Variants in DLG1 observed in about 807,000 individuals in gnomAD.
DLG1 encodes disks large homolog 1.
A neutral mutation model predicts 123.4 loss-of-function variants in DLG1; 42 were observed. The observed-to-expected ratio is 0.34, with a 90% CI of 0.27 to 0.44. The LOEUF is 0.44. Among genes scored for constraint, DLG1 ranks in the 20% least tolerant of loss-of-function variants. The pLI, the probability that DLG1 is intolerant of heterozygous loss-of-function variation, is 1.00. For missense variants in DLG1, 942 were observed against 1,082.6 expected, an observed-to-expected ratio of 0.87 and a Z score of 1.82; for synonymous variants, 317 against 356.2, an observed-to-expected ratio of 0.89 and a Z score of 1.24.
At chr3:197,296,617 C>G in intron 2 of DLG1, 140 bp from the exon 3 acceptor site, 1 of 650,128 alleles carries the variant, frequency 1.5e-6, no homozygotes, top group Non-Finnish European at 2.5e-6. Context: ...TTCATGTACA[C>G]ATATTCCTTA....
At chr3:197,142,995 T>C (rs921973377) in intron 6 of DLG1, among the ~76,000 whole-genome samples, 12 of 152,164 alleles carry the variant, frequency 7.9e-5, no homozygotes, top group African/African-American at 2.7e-4. Context: ...AAATCCAGGA[T>C]AGGTACATTC....
chr3:197,152,670 G>A (rs1577148375), intron 5 of DLG1, among the ~76,000 whole-genome samples: 1 of 148,716 alleles, frequency 6.7e-6, no homozygotes, highest in Non-Finnish European at 1.5e-5. Flanking sequence ...GGCTGAGGCA[G>A]GAGAATGGTG....
chr3:197,073,573 T>C (rs912187372), intron 18 of DLG1, among the ~76,000 whole-genome samples: 3 of 152,232 alleles, frequency 2.0e-5, no homozygotes, highest in South Asian at 2.1e-4. Flanking sequence ...CATTGTACTC[T>C]CATTAGTTCT....
intron 4 of DLG1, among the ~76,000 whole-genome samples, chr3:197,251,115 G>A (rs1424417050): frequency 6.6e-6 from 1 of 151,854 alleles, no homozygotes; most frequent in East Asian, 1.9e-4. Context: ...GACAGGCACG[G>A]TGGCTCATGC....
rs535675836 is a variant in DLG1, at chr3:197,290,140, T to C, written c.151+6206A>G. Among the ~76,000 whole-genome samples the C allele has an allele frequency of 3.3e-5, 5 of 151,818 alleles. No homozygotes were observed. The East Asian group carries it at 9.7e-4, about 29-fold the overall frequency. On this transcript the variant is annotated intron_variant, in intron 3 of 24. Coordinates refer to ENST00000667157, the MANE Select transcript of DLG1 (RefSeq NM_001366207.1). Reference sequence around the variant, plus strand: ...CTCAGAGCACAAATGTCATTAAGGATGGTAATAAATGATAAGTCATTGAAA... The same window carrying C: ...CTCAGAGCACAAATGTCATTAAGGACGGTAATAAATGATAAGTCATTGAAA...
chr3:197,067,636 C>G (rs1740592665), intron 19 of DLG1, among the ~76,000 whole-genome samples: 1 of 147,066 alleles, frequency 6.8e-6, no homozygotes, highest in Non-Finnish European at 1.5e-5. Context: ...CAGCTCACTG[C>G]AGCCTCCAAC....
chr3:197,157,834 G>T (rs1157589103), intron 5 of DLG1, among the ~76,000 whole-genome samples: 4 of 152,148 alleles, frequency 2.6e-5, no homozygotes, highest in Admixed American at 1.3e-4. Flanking sequence ...GTACTGGCAT[G>T]CAGACAGACA....
chr3:197,170,757 T>A (rs1803779608), intron 5 of DLG1, among the ~76,000 whole-genome samples: 3 of 152,360 alleles, frequency 2.0e-5, no homozygotes, highest in South Asian at 4.1e-4. Flanking sequence ...CTTGTCAATG[T>A]TTGCTTTTGT....
chr3:197,183,541 A>G, intron 5 of DLG1: 4 of 1,524,410 alleles, frequency 2.6e-6, no homozygotes, highest in Non-Finnish European at 3.6e-6. Context: ...AAACAGAAAT[A>G]GATTGAAAAT....
intron 23 of DLG1, among the ~76,000 whole-genome samples, chr3:197,055,571 G>A (rs1731116986): frequency 1.3e-5 from 2 of 152,220 alleles, no homozygotes; most frequent in East Asian, 1.9e-4. Flanking sequence ...AGCCTGAGGT[G>A]TAAACTTAGG....
chr3:197,072,272 T>C (rs1744449055), intron 18 of DLG1, among the ~76,000 whole-genome samples: 1 of 152,204 alleles, frequency 6.6e-6, no homozygotes, highest in Non-Finnish European at 1.5e-5. Context: ...CATCTCTAAT[T>C]ACATCCTTAG....
intron 7 of DLG1, 77 bp downstream of exon 7, chr3:197,142,641 T>C: frequency 9.4e-7 from 1 of 1,065,252 alleles, no homozygotes. Flanking sequence ...TTTTGAGAGA[T>C]CTCCCTTGGA....
intron 5 of DLG1, among the ~76,000 whole-genome samples, chr3:197,176,226 A>T (rs1313585076): frequency 2.0e-5 from 3 of 152,070 alleles, no homozygotes; most frequent in Non-Finnish European, 4.4e-5. Context: ...TTTAGTTCCC[A>T]TATGCCCCCT....
At chr3:197,287,310 G>T (rs1383532031) in intron 3 of DLG1, among the ~76,000 whole-genome samples, 1 of 152,044 alleles carries the variant, frequency 6.6e-6, no homozygotes. Context: ...TATATTAAAA[G>T]GCAATCTCAT....
At chr3:197,061,141 G>A (rs1336298224) in intron 22 of DLG1, among the ~76,000 whole-genome samples, 2 of 152,114 alleles carry the variant, frequency 1.3e-5, no homozygotes, top group African/African-American at 4.8e-5. Context: ...TTGAGTCCAA[G>A]TCAATACATG....
At chr3:197,221,329 C>A (rs1162052857) in intron 4 of DLG1, among the ~76,000 whole-genome samples, 1 of 151,948 alleles carries the variant, frequency 6.6e-6, no homozygotes, top group Non-Finnish European at 1.5e-5. Context: ...ACCAGCCTGG[C>A]CAACTTGATT....
chr3:197,126,420 T>C (rs541394449), intron 11 of DLG1, among the ~76,000 whole-genome samples: 1 of 151,348 alleles, frequency 6.6e-6, no homozygotes, highest in South Asian at 2.1e-4. Flanking sequence ...TGATCCGAGA[T>C]CACGCCACTG....
chr3:197,250,041 T>C (rs574308123), intron 4 of DLG1, among the ~76,000 whole-genome samples: 1 of 152,140 alleles, frequency 6.6e-6, no homozygotes, highest in Non-Finnish European at 1.5e-5. Context: ...TTATTTCATA[T>C]AGTACTGGAA....
chr3:197,297,583 G>A (rs1579639975), intron 1 of DLG1: 4 of 1,031,710 alleles, frequency 3.9e-6, no homozygotes, highest in Non-Finnish European at 2.3e-6. Flanking sequence ...TCCGACCCTT[G>A]GCCCCTGAGC....
Sources: allele counts gnomAD v4.1 joint callset (sites outside exome capture counted in the v4.1 genomes callset), GRCh38; gene constraint gnomAD v4.1.1; transcripts MANE v1.5; gene names NCBI Gene and HGNC (gene_info 2026-07-23, HGNC 2026-07-21).